HEG1: variants seen among roughly 807,000 people sequenced by gnomAD.
HEG1 encodes the protein protein HEG homolog 1.
Under a neutral mutation model 125.6 loss-of-function variants are expected in HEG1, and 56 were observed. The observed-to-expected ratio is 0.45, with a 90% CI of 0.36 to 0.56. The LOEUF is 0.56. Among genes scored for constraint, HEG1 ranks in the 20% least tolerant of loss-of-function variants. HEG1 has a pLI of 0.00. For missense variants in HEG1, 1,523 were observed against 1,670.0 expected (o/e 0.91, Z 1.53); for synonymous variants, 644 against 668.5 (o/e 0.96, Z 0.57).
chr3:124,984,754 C>T (rs908247338), intron 14 of HEG1, among the ~76,000 whole-genome samples: 3 of 151,112 alleles, frequency 2.0e-5, no homozygotes, highest in Non-Finnish European at 4.4e-5. Flanking sequence ...AGTGAAACTC[C>T]GTCTCAAAAA....
At chr3:125,002,103 T>C (rs1435863877) in intron 10 of HEG1, 91 bp from the exon 11 acceptor site, 1 of 1,542,704 alleles carries the variant, frequency 6.5e-7, no homozygotes, top group Non-Finnish European at 8.9e-7. Flanking sequence ...CATTCACCAG[T>C]GACGGGATGG....
intron 11 of HEG1, among the ~76,000 whole-genome samples, chr3:124,999,960 A>G (rs1936977139): frequency 6.6e-6 from 1 of 152,206 alleles, no homozygotes; most frequent in South Asian, 2.1e-4. Flanking sequence ...CCTCCTTTCC[A>G]ATGGCAGTGT....
chr3:125,019,311 T>A lies in HEG1; in HGVS notation c.1539A>T (p.Thr513=), dbSNP rs755050330. ...GDRSYSESSS[T]SSSESLNSSA... ...ATGAATTCAAGCTTTCCGAGGAAGATGTAGATGAAGACTCTGAATAACTCC... is the reference window on the plus strand; with the variant it reads ...ATGAATTCAAGCTTTCCGAGGAAGAAGTAGATGAAGACTCTGAATAACTCC... The change falls in exon 5 of 17, where the codon ACA becomes ACT. Residue 513 remains threonine, a synonymous_variant. Transcript: ENST00000311127. 3.1e-6 allele frequency: 5 copies of A among 1,613,378 alleles called. No homozygotes were observed. The highest frequency in any genetic ancestry group is 4.2e-6 in the Non-Finnish European group (5 of 1,179,436).
At position 125,009,744 on chromosome 3, in the gene HEG1, G is replaced by A. The variant is rs1288805636; in HGVS notation, c.3154C>T (p.Pro1052Ser). The A allele has an allele frequency of 6.2e-7, 1 of 1,613,472 alleles. No homozygotes were observed. Among genetic ancestry groups the A allele is most frequent in the Non-Finnish European group, 8.5e-7 (1 of 1,179,544 alleles). Residue 1052 changes from proline (P) to serine (S), a missense_variant, in exon 8 of 17, where the codon CCG (proline) becomes TCG (serine). Transcript: ENST00000311127. ...CCTTTTTCCAACTGGTACCCAACCG[G>A]GCATTTGCAGATAAAGGATCCCTGA... ...NTQGSFICKC[P>S]VGYQLEKGIC... is the part of the protein sequence containing the mutation.
chr3:124,990,651 TC>T, intron 14 of HEG1, 135 bp downstream of exon 14: 1 of 828,524 alleles, frequency 1.2e-6, no homozygotes, highest in South Asian at 1.7e-5. Context: ...TCTCTTTGTT[TC>T]CCCCATGCCA....
Position 124,981,247 on chromosome 3 carries a change from T to TA in HEG1, c.3734-3302dup, listed in dbSNP as rs397786049. Among the ~76,000 whole-genome samples the TA allele has an allele frequency of 5.2e-4, 77 of 148,630 alleles. No individual in the cohort carries two copies. The South Asian group carries it at 5.3e-3, about 10-fold the overall frequency. On this transcript the variant is annotated intron_variant, in intron 14 of 16. Coordinates refer to ENST00000311127, the MANE Select transcript of HEG1 (RefSeq NM_020733.2). ...TTCACTTTTTCCTTTTTTTTTTTTT[T>TA]AAAGTTTTTTTTTTTAAAGTCACAG...
intron 16 of HEG1, among the ~76,000 whole-genome samples, chr3:124,971,387 T>C (rs1023532964): frequency 6.6e-6 from 1 of 152,044 alleles, no homozygotes; most frequent in Non-Finnish European, 1.5e-5. Flanking sequence ...CCAGCTATTT[T>C]TTTCCTTCTT....
In HEG1 at chr3:124,966,712, A is replaced by G. The variant is rs1280524696; in HGVS notation, c.*3940T>C. 1 of 152,248 alleles carries G rather than the reference A, an allele frequency of 6.6e-6. No homozygotes were observed. The highest frequency in any genetic ancestry group is 1.9e-4 in the East Asian group (1 of 5,202). 9.4% of individuals were successfully genotyped at this position (152,248 alleles called of 1,614,324 possible). A position where few individuals can be genotyped will look rare whatever the true frequency, so the allele number is the denominator to read the frequency against. On this transcript the variant is annotated 3_prime_UTR_variant, in exon 17 of 17. Transcript: ENST00000311127. The stretch of plus-strand genomic sequence containing the variant: ...CTCAAAATTTGTGTATTTTAGAACT[A>G]TGGGTCAAAACCCTGTGTGTTAGGC...
intron 14 of HEG1, among the ~76,000 whole-genome samples, chr3:124,982,005 C>A (rs759952243): frequency 7.9e-5 from 12 of 151,924 alleles, no homozygotes; most frequent in Non-Finnish European, 1.2e-4. Context: ...CGGGTTCAAG[C>A]GATTCTCCTT....
intron 14 of HEG1, 142 bp downstream of exon 14, chr3:124,990,645 T>C (rs1936817054): frequency 1.2e-6 from 1 of 810,528 alleles, no homozygotes; most frequent in Non-Finnish European, 2.0e-6. Context: ...GGCCTTTCTC[T>C]TTGTTTCCCC....
chr3:125,013,243 T>C lies in HEG1; in HGVS notation c.2336A>G (p.Lys779Arg), dbSNP rs1027164787. 6.2e-7 allele frequency: 1 copy of C among 1,613,922 alleles called. No homozygotes were observed. Among genetic ancestry groups the C allele is most frequent in the East Asian group, 2.2e-5 (1 of 44,898 alleles). ...CTCTTGGTGTGGGGTGCTCTGGCTC[T>C]TAAGGTCTGCAGTTTGACTACTATG... ...MLHSSQTADL[K>R]SQSTPHQEKV... is the part of the protein sequence containing the mutation. Residue 779 changes from lysine (K) to arginine (R), a missense_variant, in exon 6 of 17, where the codon AAG becomes AGG. Lys to Arg is a conservative substitution (Grantham distance 26). Transcript: ENST00000311127.
chr3:125,030,793 C>T (rs1036921165), intron 1 of HEG1, among the ~76,000 whole-genome samples: 6 of 152,008 alleles, frequency 3.9e-5, no homozygotes, highest in East Asian at 3.9e-4. Flanking sequence ...TTGCCCAAGT[C>T]GCACAGTCAA....
At chr3:125,004,166 A>G (rs1380115877) in intron 9 of HEG1, among the ~76,000 whole-genome samples, 1 of 152,204 alleles carries the variant, frequency 6.6e-6, no homozygotes, top group Non-Finnish European at 1.5e-5. Context: ...CATGAAGTGA[A>G]TGCTCAGGAG....
intron 3 of HEG1, among the ~76,000 whole-genome samples, chr3:125,023,724 C>T (rs148730343): frequency 6.6e-6 from 1 of 152,264 alleles, no homozygotes; most frequent in Non-Finnish European, 1.5e-5. Context: ...TTAATAATTG[C>T]CCTTCTTGCT....
At chr3:125,008,242 T>G (rs370900124) in intron 8 of HEG1, among the ~76,000 whole-genome samples, 1 of 152,232 alleles carries the variant, frequency 6.6e-6, no homozygotes. Flanking sequence ...TTGACTGATG[T>G]CTCTATTTCT....
intron 12 of HEG1, among the ~76,000 whole-genome samples, chr3:124,992,792 A>T (rs1455926245): frequency 6.6e-6 from 1 of 152,268 alleles, no homozygotes; most frequent in Non-Finnish European, 1.5e-5. Flanking sequence ...ATACAGTTTC[A>T]AAAACACTGT....
intron 1 of HEG1, among the ~76,000 whole-genome samples, chr3:125,048,150 C>T (rs1156725479): frequency 6.6e-6 from 1 of 151,986 alleles, no homozygotes; most frequent in Non-Finnish European, 1.5e-5. Context: ...TCCTCAAAAA[C>T]GTTTACATGA....
chr3:124,975,092 C>CATA (rs753394974), intron 15 of HEG1, among the ~76,000 whole-genome samples: 2 of 152,172 alleles, frequency 1.3e-5, no homozygotes, highest in Non-Finnish European at 2.9e-5. Flanking sequence ...TATTTCCACT[C>CATA]ATATGGTTTA....
chr3:124,966,962 G>A lies in HEG1; in HGVS notation c.*3690C>T, dbSNP rs769937746. ...ATTCTTGGGTAGCCATCCAGCCTAGGAGTCCAAAGATGCTGCCTTCTCCCT... is the reference window on the plus strand; with the variant it reads ...ATTCTTGGGTAGCCATCCAGCCTAGAAGTCCAAAGATGCTGCCTTCTCCCT... On this transcript the variant is annotated 3_prime_UTR_variant, in exon 17 of 17. Transcript: ENST00000311127. 9 of 152,210 alleles carry A rather than the reference G, an allele frequency of 5.9e-5. No homozygotes were observed. The highest frequency in any genetic ancestry group is 1.3e-4 in the Non-Finnish European group (9 of 68,054). 9.4% of individuals were successfully genotyped at this position (152,210 alleles called of 1,614,324 possible).
Sources: allele counts gnomAD v4.1 joint callset (sites outside exome capture counted in the v4.1 genomes callset), GRCh38; gene constraint gnomAD v4.1.1; transcripts MANE v1.5; gene names NCBI Gene and HGNC (gene_info 2026-07-23, HGNC 2026-07-21).